Variants in DAB1 observed in about 807,000 individuals in gnomAD.
DAB1 encodes disabled homolog 1.
In DAB1, 15 loss-of-function variants were observed where a neutral mutation model predicts 64.6. That is an observed-to-expected ratio of 0.23 (90% CI 0.16 to 0.36). The LOEUF is 0.36. Among genes scored for constraint, DAB1 ranks in the 10% least tolerant of loss-of-function variants. The probability of loss-of-function intolerance (pLI) is 1.00; values close to 1 mark genes in which losing one functional copy is unlikely to be tolerated. For missense variants in DAB1, 596 were observed against 706.7 expected, an observed-to-expected ratio of 0.84 and a Z score of 1.78; for synonymous variants, 235 against 251.9, an observed-to-expected ratio of 0.93 and a Z score of 0.64.
intron 2 of DAB1, among the ~76,000 whole-genome samples, chr1:57,265,180 G>T (rs1008018421): frequency 6.6e-6 from 1 of 152,084 alleles, no homozygotes; most frequent in Non-Finnish European, 1.5e-5. Flanking sequence ...CTCCAGACAC[G>T]GTGAATTTTC....
chr1:57,042,073 A>C (rs1647860875), intron 9 of DAB1, among the ~76,000 whole-genome samples: 2 of 152,264 alleles, frequency 1.3e-5, no homozygotes, highest in Non-Finnish European at 1.5e-5. Context: ...TGTAACAAGG[A>C]AACAGGCTCA....
Position 57,321,193 on chromosome 1 carries a change from A to T in DAB1, c.-136-30027T>A, listed in dbSNP as rs535732309. 5.3e-5 allele frequency among the ~76,000 whole-genome samples: 8 copies of T among 151,180 alleles called. No individual in the cohort carries two copies. In the South Asian group the frequency reaches 6.2e-4, roughly 12 times the overall value. ...TCCAATTTCAGCACTTGACTTTGCA[A>T]AGTCTCAATCTATTAAATAGAATCC... is the stretch of plus-strand genomic sequence containing the variant. On this transcript the variant is annotated intron_variant, in intron 1 of 14. Coordinates refer to ENST00000371236, the MANE Select transcript of DAB1 (RefSeq NM_001365792.1).
At chr1:57,441,070 C>T (rs989920335) in intron 7 of DAB1, among the ~76,000 whole-genome samples, 1 of 148,486 alleles carries the variant, frequency 6.7e-6, no homozygotes, top group African/African-American at 2.5e-5. Flanking sequence ...CCCATAAAGA[C>T]AAAAAAAAAT....
intron 5 of DAB1, among the ~76,000 whole-genome samples, chr1:58,133,135 A>C (rs1209549128): frequency 6.6e-6 from 1 of 152,184 alleles, no homozygotes; most frequent in Non-Finnish European, 1.5e-5. Flanking sequence ...GAAGTGGCCT[A>C]GTTTGGCACA....
chr1:57,791,671 A>T (rs1057402126), intron 6 of DAB1, among the ~76,000 whole-genome samples: 2 of 152,120 alleles, frequency 1.3e-5, no homozygotes, highest in African/African-American at 4.8e-5. Context: ...TTTCTTTTCA[A>T]CAAAGACCAG....
intron 4 of DAB1, among the ~76,000 whole-genome samples, chr1:58,241,051 C>T (rs1451101267): frequency 6.6e-6 from 1 of 152,110 alleles, no homozygotes; most frequent in Non-Finnish European, 1.5e-5. Context: ...ATCCATATAT[C>T]CATATGTCTG....
At chr1:58,103,213 A>C (rs973709305) in intron 5 of DAB1, among the ~76,000 whole-genome samples, 1 of 152,198 alleles carries the variant, frequency 6.6e-6, no homozygotes, top group Non-Finnish European at 1.5e-5. Flanking sequence ...AATACCATCA[A>C]AGGCTACAGC....
chr1:58,181,571 C>G (rs1209407577), intron 4 of DAB1, among the ~76,000 whole-genome samples: 2 of 151,994 alleles, frequency 1.3e-5, no homozygotes, highest in African/African-American at 4.8e-5. Context: ...ATTTTAACTC[C>G]TTGTTGGATT....
At chr1:57,518,176 A>G (rs1170780334) in intron 7 of DAB1, among the ~76,000 whole-genome samples, 3 of 150,836 alleles carry the variant, frequency 2.0e-5, no homozygotes, top group African/African-American at 7.5e-5. Flanking sequence ...GCTAAACTTA[A>G]TTGTCGTTGT....
rs539110307 is a variant in DAB1 at position 57,576,819 on chromosome 1, A to T, written n.625+72773T>A. 5.2e-4 allele frequency among the ~76,000 whole-genome samples: 79 copies of T among 152,354 alleles called. 1 individual carries two copies. Among genetic ancestry groups the T allele is most frequent in the Admixed American group, 5.2e-3 (79 of 15,296 alleles). On this transcript the variant is annotated intron_variant and non_coding_transcript_variant, in intron 7 of 20. Transcript: ENST00000485760. Reference sequence around the variant, plus strand: ...CTTTTCTGAGACGGGTGGAAGACTGACAAAGACACTAAGACTTGGGGCTTC... The same window carrying T: ...CTTTTCTGAGACGGGTGGAAGACTGTCAAAGACACTAAGACTTGGGGCTTC...
At chr1:58,455,441 C>T (rs546908782) in intron 3 of DAB1, among the ~76,000 whole-genome samples, 1 of 152,312 alleles carries the variant, frequency 6.6e-6, no homozygotes, top group African/African-American at 2.4e-5. Context: ...AGATGGTCCT[C>T]AGCAGAGACA....
At chr1:57,395,226 A>G (rs1682710862) in intron 1 of DAB1, among the ~76,000 whole-genome samples, 1 of 152,088 alleles carries the variant, frequency 6.6e-6, no homozygotes, top group Non-Finnish European at 1.5e-5. Flanking sequence ...GGGTTTCGCC[A>G]TGTTGGCCAG....
intron 4 of DAB1, among the ~76,000 whole-genome samples, chr1:58,325,421 T>C (rs895470990): frequency 2.6e-5 from 4 of 152,156 alleles, no homozygotes; most frequent in African/African-American, 9.7e-5. Context: ...AAACCAGGGG[T>C]TCCTCATCTT....
chr1:58,375,228 G>A (rs1490512623), intron 3 of DAB1, among the ~76,000 whole-genome samples: 2 of 146,572 alleles, frequency 1.4e-5, no homozygotes, highest in African/African-American at 2.5e-5. Flanking sequence ...TTGAATAGGA[G>A]CGGTGAGAGA....
At chr1:57,142,629 C>CACAT (rs1286082605) in intron 3 of DAB1, among the ~76,000 whole-genome samples, 2 of 139,850 alleles carry the variant, frequency 1.4e-5, no homozygotes, top group South Asian at 2.1e-4. Flanking sequence ...CACACACACA[C>CACAT]ATACACACAC....
intron 3 of DAB1, among the ~76,000 whole-genome samples, chr1:57,142,714 G>T (rs1443720182): frequency 6.6e-6 from 1 of 152,012 alleles, no homozygotes; most frequent in Non-Finnish European, 1.5e-5. Flanking sequence ...GAGCGAGAAT[G>T]TTCAGGGAGC....
chr1:58,031,802 A>T lies in DAB1; in HGVS notation n.387+118709T>A, dbSNP rs7532443. Among the ~76,000 whole-genome samples, 948 of 152,298 alleles carry T rather than the reference A, an allele frequency of 6.2e-3. 14 individuals are homozygous for T. The highest frequency in any genetic ancestry group is 0.022 in the African/African-American group (900 of 41,554). ...GGGGCAGAAAAACAATATCCTGCTC[A>T]GCCCAAACTGAGCTGAGGAAGGTTT... On this transcript the variant is annotated intron_variant and non_coding_transcript_variant, in intron 5 of 20. Transcript: ENST00000485760.
At position 57,760,444 on chromosome 1, in the gene DAB1, G is replaced by C. The variant is rs140408494; in HGVS notation, n.552-110779C>G. The stretch of plus-strand genomic sequence containing the variant: ...CCTGTGGTAACTTCTGGAAACAGAA[G>C]ATGAATGAGATATGGCCCAGGTCTC... On this transcript the variant is annotated intron_variant and non_coding_transcript_variant, in intron 6 of 20. Transcript: ENST00000485760. Among the ~76,000 whole-genome samples the C allele has an allele frequency of 2.6e-4, 39 of 152,144 alleles. No individual in the cohort carries two copies. The East Asian group carries it at 7.0e-3, about 27-fold the overall frequency.
At chr1:57,864,655 T>C (rs559775415) in intron 1 of DAB1, 1 of 138,168 alleles carries the variant, frequency 7.2e-6, no homozygotes, top group Non-Finnish European at 1.5e-5. Context: ...TTTAAAAAAA[T>C]TTATTTATTT....
Sources: gnomAD v4.1 joint callset for allele counts (sites outside exome capture counted in the v4.1 genomes callset) on GRCh38, gnomAD v4.1.1 for gene constraint, MANE v1.5 for transcripts, NCBI Gene and HGNC (gene_info 2026-07-23, HGNC 2026-07-21) for gene names.